CHST6: variants seen among roughly 807,000 people sequenced by gnomAD.
CHST6 encodes N-acetylglucosamine 6-O-sulfotransferase 5.
For synonymous variants in CHST6, 309 were observed against 276.4 expected, an observed-to-expected ratio of 1.12 and a Z score of -1.17; for missense variants, 698 against 586.2, an observed-to-expected ratio of 1.19 and a Z score of -1.97.
At chr16:75,493,971 A>G (rs906092949) in intron 1 of CHST6, among the ~76,000 whole-genome samples, 3 of 152,142 alleles carry the variant, frequency 2.0e-5, no homozygotes, top group Admixed American at 6.5e-5. Flanking sequence ...CAGCCTCCCA[A>G]GTAGCTGGGA....
rs5817947 is a variant in CHST6, at chr16:75,475,414, CAG to C, written c.*3225_*3226del. The C allele has an allele frequency of 0.54, 81,549 of 152,168 alleles. 22,089 individuals are homozygous for C. The highest frequency in any genetic ancestry group is 0.65 in the Admixed American group (9,861 of 15,260). The allele number at this position is 152,168 out of a possible 1,614,324, so 9.4% of individuals were successfully genotyped here. On this transcript the variant is annotated 3_prime_UTR_variant, in exon 3 of 3. Transcript: ENST00000332272. ...TGGCAGGAGCCATGGTCACACAGCA[CAG>C]AGTGTCAACACAGCAAACCACTAAC... is the stretch of plus-strand genomic sequence containing the variant.
At chr16:75,483,925 G>A (rs2080168141) in intron 1 of CHST6, among the ~76,000 whole-genome samples, 1 of 152,178 alleles carries the variant, frequency 6.6e-6, no homozygotes, top group South Asian at 2.1e-4. Context: ...TCAGGAGGCT[G>A]AGGTGGGAGG....
rs138994371 is a variant in CHST6 at position 75,479,244 on chromosome 16, T to C, written c.585A>G (p.Leu195=). 9.3e-5 allele frequency: 150 copies of C among 1,611,934 alleles called. No homozygotes were observed. The highest frequency in any genetic ancestry group is 1.1e-4 in the Non-Finnish European group (132 of 1,179,676). Residue 195 remains leucine, a synonymous_variant, in exon 3 of 3, where the codon CTA becomes CTG. Coordinates refer to ENST00000332272, the MANE Select transcript of CHST6 (RefSeq NM_021615.5). ...YPLLSDPALN[L]RIVHLVRDPR... is the part of the protein sequence containing the mutation. ...GGTCGCGCACCAGGTGCACGATGCG[T>C]AGGTTGAGCGCGGGGTCGCTGAGCA...
chr16:75,485,955 C>T lies in CHST6; in HGVS notation c.-91-4064G>A, dbSNP rs944848406. ...TCAGTCCATCTTGTACAGTTGCCCCCAGAGGTGCCTACACCACACATCTGA... is the reference window on the plus strand; with the variant it reads ...TCAGTCCATCTTGTACAGTTGCCCCTAGAGGTGCCTACACCACACATCTGA... On this transcript the variant is annotated intron_variant, in intron 1 of 2. Transcript: ENST00000332272. Among the ~76,000 whole-genome samples the T allele has an allele frequency of 3.3e-5, 5 of 152,228 alleles. No individual in the cohort carries two copies. The South Asian group carries it at 1.0e-3, about 31-fold the overall frequency.
intron 1 of CHST6, among the ~76,000 whole-genome samples, chr16:75,485,703 T>A (rs1449871708): frequency 2.0e-5 from 3 of 151,976 alleles, no homozygotes; most frequent in African/African-American, 7.3e-5. Flanking sequence ...AGAGAAGAGA[T>A]AAGATCAGCA....
At position 75,477,157 on chromosome 16, in the gene CHST6, T is replaced by C. The variant is rs1362832212; in HGVS notation, c.*1484A>G. The C allele has an allele frequency of 6.6e-6, 1 of 152,232 alleles. No individual in the cohort carries two copies. Among genetic ancestry groups the C allele is most frequent in the Non-Finnish European group, 1.5e-5 (1 of 68,040 alleles). 9.4% of individuals were successfully genotyped at this position (152,232 alleles called of 1,614,324 possible). A position where few individuals can be genotyped will look rare whatever the true frequency, so the allele number is the denominator to read the frequency against. ...TGGGGTTTTAAATACCTTCCTCCTATAATTGTCACGAGGGACAGATTCAAG... is the reference window on the plus strand; with the variant it reads ...TGGGGTTTTAAATACCTTCCTCCTACAATTGTCACGAGGGACAGATTCAAG... On this transcript the variant is annotated 3_prime_UTR_variant, in exon 3 of 3. Transcript: ENST00000332272.
Position 75,479,094 on chromosome 16 carries a change from C to G in CHST6, c.735G>C (p.Val245=), listed in dbSNP as rs1483321460. Residue 245 remains valine (V), a synonymous_variant, in exon 3 of 3, where the codon GTG becomes GTC. Coordinates refer to ENST00000332272, the MANE Select transcript of CHST6 (RefSeq NM_021615.5). The stretch of plus-strand genomic sequence containing the variant: ...CGGCGATGCGTACGTGGCTACGGCA[C>G]ACCTCGCGCACCACGCGCAGGCCGG... The part of the protein sequence containing the change: ...ADPGLRVVRE[V]CRSHVRIAEA... The G allele has an allele frequency of 8.1e-6, 13 of 1,604,570 alleles. No homozygotes were observed. The highest frequency in any genetic ancestry group is 1.1e-5 in the Non-Finnish European group (13 of 1,178,668).
Position 75,476,857 on chromosome 16 carries a change from GCCTCAGCTT to G in CHST6, c.*1775_*1783del, listed in dbSNP as rs1368427809. On this transcript the variant is annotated 3_prime_UTR_variant, in exon 3 of 3. Transcript: ENST00000332272. ...CCTCCTGGGTTCAAGCGATTCTCCT[GCCTCAGCTT>G]CCCGAGGAGCTGGGATTACAGGTAT... 1.3e-5 allele frequency: 2 copies of G among 151,158 alleles called. No homozygotes were observed. The highest frequency in any genetic ancestry group is 4.9e-5 in the African/African-American group (2 of 41,126). 9.4% of individuals were successfully genotyped at this position (151,158 alleles called of 1,614,324 possible).
intron 1 of CHST6, among the ~76,000 whole-genome samples, chr16:75,487,375 C>T (rs554668276): frequency 2.0e-5 from 3 of 152,278 alleles, no homozygotes; most frequent in African/African-American, 7.2e-5. Flanking sequence ...CTCGACACAG[C>T]AGCTCCAGGC....
Position 75,473,098 on chromosome 16 carries a change from C to T in CHST6, c.*5543G>A, listed in dbSNP as rs545815491. The T allele has an allele frequency of 2.0e-5, 3 of 152,376 alleles. No homozygotes were observed. The highest frequency in any genetic ancestry group is 1.9e-4 in the East Asian group (1 of 5,186). The allele number at this position is 152,376 out of a possible 1,614,324, so 9.4% of individuals were successfully genotyped here. A position where few individuals can be genotyped will look rare whatever the true frequency, so the allele number is the denominator to read the frequency against. The stretch of plus-strand genomic sequence containing the variant: ...CAAGTGTATCGGTTAGGCAATGCTA[C>T]GTAACAAACCACCACAACACTCAAA... On this transcript the variant is annotated 3_prime_UTR_variant, in exon 3 of 3. Transcript: ENST00000332272.
At chr16:75,485,545 G>T (rs1382197436) in intron 1 of CHST6, among the ~76,000 whole-genome samples, 1 of 152,212 alleles carries the variant, frequency 6.6e-6, no homozygotes, top group African/African-American at 2.4e-5. Context: ...CTGAAGTACT[G>T]AGAGTACATT....
rs996058522 is a variant in CHST6 at position 75,474,739 on chromosome 16, G to T, written c.*3902C>A. ...AAAGTGAGGGCGAGAGAAAGACAAA[G>T]AATGAACTCCTTCATTTAAAAGGCA... On this transcript the variant is annotated 3_prime_UTR_variant, in exon 3 of 3. Transcript: ENST00000332272. The T allele has an allele frequency of 2.5e-6, 1 of 398,388 alleles. No individual in the cohort carries two copies. Among genetic ancestry groups the T allele is most frequent in the Admixed American group, 4.4e-5 (1 of 22,700 alleles). The allele number at this position is 398,388 out of a possible 1,614,324, so 24.7% of individuals were successfully genotyped here. A position where few individuals can be genotyped will look rare whatever the true frequency, so the allele number is the denominator to read the frequency against.
chr16:75,493,038 C>A (rs2550901), intron 1 of CHST6, among the ~76,000 whole-genome samples: 8,532 of 152,080 alleles, frequency 0.056, 460 homozygotes, highest in African/African-American at 0.14. Context: ...CTACCCAGAA[C>A]AATCTTGTTC....
At chr16:75,484,411 T>C (rs2080173694) in intron 1 of CHST6, among the ~76,000 whole-genome samples, 1 of 152,212 alleles carries the variant, frequency 6.6e-6, no homozygotes, top group Non-Finnish European at 1.5e-5. Context: ...TGCAGGGCTC[T>C]GTGGTGGGTG....
chr16:75,491,214 T>C (rs1386403252), intron 1 of CHST6, among the ~76,000 whole-genome samples: 1 of 123,718 alleles, frequency 8.1e-6, no homozygotes, highest in Non-Finnish European at 1.7e-5. Flanking sequence ...TATATATATA[T>C]ATATAAAATA....
At position 75,479,657 on chromosome 16, in the gene CHST6, G is replaced by C. The variant is rs756036451; in HGVS notation, c.172C>G (p.Gln58Glu). 1 of 1,612,510 alleles carries C rather than the reference G, an allele frequency of 6.2e-7. No homozygotes were observed. The highest frequency in any genetic ancestry group is 8.5e-7 in the Non-Finnish European group (1 of 1,179,736). Residue 58 changes from glutamine to glutamate, a missense_variant, in exon 3 of 3, where the codon CAA becomes GAA. Gln to Glu is a conservative substitution (Grantham distance 29, BLOSUM62 2). Coordinates refer to ENST00000332272, the MANE Select transcript of CHST6 (RefSeq NM_021615.5). ...ACGTCGGGGTGCTGGTTGAAGAGTT[G>C]GCCCACGAAGGACGAGCCCGAGCGC... ...SWRSGSSFVG[Q>E]LFNQHPDVFY...
chr16:75,483,971 C>T (rs997209043), intron 1 of CHST6, among the ~76,000 whole-genome samples: 7 of 152,086 alleles, frequency 4.6e-5, no homozygotes, highest in Non-Finnish European at 1.0e-4. Flanking sequence ...TTGCAGTGAG[C>T]AGAGACTGTG....
At position 75,479,895 on chromosome 16, in the gene CHST6, C is replaced by G. The variant is rs370223621; in HGVS notation, c.-16-51G>C. On this transcript the variant is annotated intron_variant, in intron 2 of 2. Transcript: ENST00000332272. ...GGGGCTGCAGCCTGCACGCCCATCC[C>G]GTACCCCACTGCCCAGTGCCCGCAG... 263 of 1,477,944 alleles carry G rather than the reference C, an allele frequency of 1.8e-4. 2 individuals carry two copies. The South Asian group carries it at 3.0e-3, about 17-fold the overall frequency. 91.6% of individuals were successfully genotyped at this position (1,477,944 alleles called of 1,614,324 possible).
chr16:75,491,176 A>T lies in CHST6; in HGVS notation c.-92+3764T>A, dbSNP rs1222446426. On this transcript the variant is annotated intron_variant, in intron 1 of 2. Coordinates refer to ENST00000332272, the MANE Select transcript of CHST6 (RefSeq NM_021615.5). ...GTGAAACTCCGTCTTAAAAAAAAAA[A>T]AAAAAAAAAAAAAAATATATATATA... 1.2e-3 allele frequency among the ~76,000 whole-genome samples: 88 copies of T among 74,918 alleles called. 1 individual carries two copies. Among genetic ancestry groups the T allele is most frequent in the African/African-American group, 5.1e-3 (85 of 16,816 alleles). 49.1% of individuals were successfully genotyped at this position (74,918 alleles called of 152,430 possible).
Sources: allele counts gnomAD v4.1 joint callset (sites outside exome capture counted in the v4.1 genomes callset), GRCh38; gene constraint gnomAD v4.1.1; transcripts MANE v1.5; gene names NCBI Gene and HGNC (gene_info 2026-07-23, HGNC 2026-07-21).